Variants in UNC13C observed in about 807,000 individuals in gnomAD.
UNC13C encodes the protein unc-13 homolog C.
UNC13C carries 174 observed loss-of-function variants against 245.4 expected under a neutral mutation model. That is an observed-to-expected ratio of 0.71 (90% CI 0.63 to 0.80). The LOEUF (loss-of-function observed/expected upper bound fraction) is 0.80, where lower values mean the gene tolerates loss of function less well. Ranked by LOEUF, UNC13C falls within the 30% of genes least tolerant of loss-of-function variation. The pLI is 0.00. For missense variants in UNC13C, 2,829 were observed against 2,602.9 expected, an observed-to-expected ratio of 1.09 and a Z score of -1.89; for synonymous variants, 992 against 895.1, an observed-to-expected ratio of 1.11 and a Z score of -1.93.
intron 4 of UNC13C, among the ~76,000 whole-genome samples, chr15:54,167,329 C>T (rs1279465141): frequency 6.6e-6 from 1 of 151,484 alleles, no homozygotes; most frequent in Non-Finnish European, 1.5e-5. Flanking sequence ...GGTGAAACCC[C>T]GTCTCTACTG....
intron 30 of UNC13C, among the ~76,000 whole-genome samples, chr15:54,609,177 A>G (rs1899942163): frequency 6.6e-6 from 1 of 152,070 alleles, no homozygotes; most frequent in African/African-American, 2.4e-5. Context: ...ATGGCTTTTT[A>G]CTGCTGCTGC....
At chr15:53,935,104 C>G in the UNC13C span, among the ~76,000 whole-genome samples, 1 of 151,964 alleles carries the variant, frequency 6.6e-6, no homozygotes, top group African/African-American at 2.4e-5. Flanking sequence ...TGGCCATTGT[C>G]ACAATATCTC....
At chr15:54,225,371 A>G (rs1596038376) in intron 4 of UNC13C, among the ~76,000 whole-genome samples, 1 of 152,344 alleles carries the variant, frequency 6.6e-6, no homozygotes, top group East Asian at 1.9e-4. Context: ...TTTAATGAAA[A>G]TCGAATTGAA....
intron 4 of UNC13C, among the ~76,000 whole-genome samples, chr15:54,148,084 G>A (rs1275103808): frequency 6.6e-6 from 1 of 152,136 alleles, no homozygotes; most frequent in East Asian, 1.9e-4. Context: ...TATCAGGAAA[G>A]AGGCAGTGGT....
intron 1 of UNC13C, among the ~76,000 whole-genome samples, chr15:54,001,028 A>G (rs1022865737): frequency 2.0e-4 from 31 of 152,192 alleles, no homozygotes; most frequent in Non-Finnish European, 2.4e-4. Flanking sequence ...GGAGGGTAAT[A>G]GATTTGTATT....
At chr15:54,611,009 G>T (rs1900063467) in intron 30 of UNC13C, among the ~76,000 whole-genome samples, 1 of 152,146 alleles carries the variant, frequency 6.6e-6, no homozygotes, top group Non-Finnish European at 1.5e-5. Flanking sequence ...ACTTCGTGAT[G>T]TAATAGGTTT....
At chr15:53,864,889 A>T in the UNC13C span, among the ~76,000 whole-genome samples, 143,185 of 152,188 alleles carry the variant, frequency 0.94, 67,997 homozygotes, top group East Asian at 1. Context: ...AAAAGTAAAT[A>T]TTCTAGACAA....
chr15:53,870,079 A>C, the UNC13C span, among the ~76,000 whole-genome samples: 4 of 152,168 alleles, frequency 2.6e-5, no homozygotes, highest in Admixed American at 2.6e-4. Context: ...CACCAGCCTG[A>C]CTGTACTCCT....
At chr15:54,121,311 G>A (rs2030652548) in intron 2 of UNC13C, among the ~76,000 whole-genome samples, 1 of 152,138 alleles carries the variant, frequency 6.6e-6, no homozygotes. Flanking sequence ...ACAATTTGCG[G>A]AAGGCTCAGA....
chr15:53,889,136 T>C, the UNC13C span, among the ~76,000 whole-genome samples: 1,504 of 152,332 alleles, frequency 9.9e-3, 12 homozygotes, highest in Admixed American at 0.017. Context: ...ATAAATTTCT[T>C]TGGGCAGTTT....
At chr15:54,449,673 C>T (rs943178470) in intron 19 of UNC13C, among the ~76,000 whole-genome samples, 19 of 152,110 alleles carry the variant, frequency 1.2e-4, no homozygotes, top group African/African-American at 3.9e-4. Flanking sequence ...GTTAGCCATT[C>T]GACTAATCAT....
intron 10 of UNC13C, among the ~76,000 whole-genome samples, chr15:54,289,285 A>T (rs1302413124): frequency 1.3e-5 from 2 of 152,090 alleles, no homozygotes; most frequent in South Asian, 4.1e-4. Flanking sequence ...AGGGGGAAAC[A>T]TTTGATAATC....
intron 18 of UNC13C, among the ~76,000 whole-genome samples, chr15:54,393,560 A>C (rs766084107): frequency 6.6e-6 from 1 of 151,890 alleles, no homozygotes. Flanking sequence ...GCTTTTTAAT[A>C]ATAAAGATTT....
intron 4 of UNC13C, among the ~76,000 whole-genome samples, chr15:54,228,261 A>G (rs1176377658): frequency 1.3e-5 from 2 of 152,052 alleles, no homozygotes; most frequent in Non-Finnish European, 2.9e-5. Flanking sequence ...ATGTGCTCCC[A>G]TCTGGCCCAG....
intron 2 of UNC13C, chr15:54,049,449 T>C (rs1897181682): frequency 2.3e-6 from 1 of 442,762 alleles, no homozygotes; most frequent in Admixed American, 3.0e-5. Context: ...CCACATAACA[T>C]TGAAGAGACA....
intron 19 of UNC13C, among the ~76,000 whole-genome samples, chr15:54,427,750 A>G (rs1027050917): frequency 6.6e-6 from 1 of 151,834 alleles, no homozygotes; most frequent in African/African-American, 2.4e-5. Flanking sequence ...TTTTCTTTTT[A>G]TAGTCATAAA....
chr15:54,237,758 C>T, intron 7 of UNC13C, 68 bp downstream of exon 7: 1 of 1,253,986 alleles, frequency 8.0e-7, no homozygotes, highest in Non-Finnish European at 1.1e-6. Flanking sequence ...AGAAACTGTT[C>T]TGCTTGAGCT....
At chr15:54,291,491 C>A (rs1453765816) in intron 10 of UNC13C, among the ~76,000 whole-genome samples, 1 of 151,976 alleles carries the variant, frequency 6.6e-6, no homozygotes. Context: ...TTGAAAGATA[C>A]ATGCCAGAAA....
In UNC13C at chr15:54,294,070, T is replaced by G. The variant is rs1196871210; in HGVS notation, c.3988+6T>G. The G allele has an allele frequency of 6.8e-7, 1 of 1,470,556 alleles. No individual in the cohort carries two copies. The highest frequency in any genetic ancestry group is 1.4e-5 in the South Asian group (1 of 69,762). 91.1% of individuals were successfully genotyped at this position (1,470,556 alleles called of 1,614,324 possible). A position where few individuals can be genotyped will look rare whatever the true frequency, so the allele number is the denominator to read the frequency against. The stretch of plus-strand genomic sequence containing the variant: ...GGATGTCTGGTACAACTTAGGTGAT[T>G]TTTTTTTTTATCTACTTGAAAACGA... On this transcript the variant is annotated splice_donor_region_variant and intron_variant, in intron 11 of 32. Coordinates refer to ENST00000260323, the MANE Select transcript of UNC13C (RefSeq NM_001080534.3).
Sources: gnomAD v4.1 joint callset for allele counts (sites outside exome capture counted in the v4.1 genomes callset) on GRCh38, gnomAD v4.1.1 for gene constraint, MANE v1.5 for transcripts, NCBI Gene and HGNC (gene_info 2026-07-23, HGNC 2026-07-21) for gene names.